The following SYT1 variants were observed in gnomAD, a reference collection of about 807,000 sequenced individuals.
SYT1 encodes the protein synaptotagmin 1, also known as synaptotagmin-1.
A neutral mutation model predicts 44.8 loss-of-function variants in SYT1; 8 were observed. That is an observed-to-expected ratio of 0.18 (90% CI 0.10 to 0.32). The LOEUF (loss-of-function observed/expected upper bound fraction) is 0.32. SYT1 is among the 10% of genes least tolerant of loss of function. SYT1 has a pLI of 1.00. For synonymous variants in SYT1, 154 were observed against 188.8 expected, an observed-to-expected ratio of 0.82 and a Z score of 1.51; for missense variants, 286 against 509.3, an observed-to-expected ratio of 0.56 and a Z score of 4.22.
chr12:79,386,311 T>C (rs75408188), intron 9 of SYT1, among the ~76,000 whole-genome samples: 19 of 33,930 alleles, frequency 5.6e-4, no homozygotes, highest in South Asian at 1.3e-3. Context: ...CATTTTTGGG[T>C]TTTTTTTTTT....
intron 2 of SYT1, among the ~76,000 whole-genome samples, chr12:79,041,082 G>A (rs1213594626): frequency 6.6e-6 from 1 of 152,056 alleles, no homozygotes; most frequent in East Asian, 1.9e-4. Context: ...TGTTCTTTTG[G>A]CTTAAGATTG....
intron 3 of SYT1, among the ~76,000 whole-genome samples, chr12:79,211,054 G>T (rs976856366): frequency 6.6e-6 from 1 of 151,492 alleles, no homozygotes; most frequent in South Asian, 2.1e-4. Flanking sequence ...AATAATTCAG[G>T]TTTACAATAT....
chr12:79,196,470 A>G (rs1252488106), intron 3 of SYT1, among the ~76,000 whole-genome samples: 1 of 152,048 alleles, frequency 6.6e-6, no homozygotes, highest in African/African-American at 2.4e-5. Flanking sequence ...CCGGCTGTAC[A>G]TTTCTAATTC....
chr12:79,418,685 GACAA>G (rs1174527344), intron 9 of SYT1, among the ~76,000 whole-genome samples: 7 of 152,122 alleles, frequency 4.6e-5, no homozygotes, highest in Non-Finnish European at 4.4e-5. Flanking sequence ...TGAGTAGAGA[GACAA>G]TTAGTGGAAA....
At position 79,096,901 on chromosome 12, in the gene SYT1, G is replaced by C. The variant is rs187289524; in HGVS notation, c.-18+49539G>C. ...TCAGAGAGATTAAGAGGCTGGGAAA[G>C]ATTGAAGTGATTTTTAGGAATCAGA... On this transcript the variant is annotated intron_variant, in intron 3 of 10. Transcript: ENST00000261205. Among the ~76,000 whole-genome samples the C allele has an allele frequency of 3.3e-5, 5 of 152,140 alleles. No homozygotes were observed. The East Asian group carries it at 9.7e-4, about 29-fold the overall frequency.
At chr12:78,868,411 T>G (rs1260900826) in intron 1 of SYT1, among the ~76,000 whole-genome samples, 1 of 151,852 alleles carries the variant, frequency 6.6e-6, no homozygotes, top group Non-Finnish European at 1.5e-5. Context: ...TTAAAATTCT[T>G]AAATAATTTA....
At chr12:78,988,800 G>A (rs903995115) in intron 2 of SYT1, among the ~76,000 whole-genome samples, 4 of 152,092 alleles carry the variant, frequency 2.6e-5, no homozygotes, top group African/African-American at 9.7e-5. Flanking sequence ...GGAAAATGCT[G>A]TAAAATGATT....
At chr12:79,152,910 C>T (rs1477279600) in intron 3 of SYT1, among the ~76,000 whole-genome samples, 1 of 150,744 alleles carries the variant, frequency 6.6e-6, no homozygotes, top group Non-Finnish European at 1.5e-5. Context: ...AAATTAAGAC[C>T]TAGGAGAAAC....
intron 9 of SYT1, among the ~76,000 whole-genome samples, chr12:79,406,697 G>A (rs913234289): frequency 6.6e-6 from 1 of 152,110 alleles, no homozygotes; most frequent in African/African-American, 2.4e-5. Context: ...TTGAATACCA[G>A]TTCTGCTACT....
chr12:79,348,532 T>A (rs1882704485), intron 8 of SYT1, among the ~76,000 whole-genome samples: 1 of 152,210 alleles, frequency 6.6e-6, no homozygotes, highest in South Asian at 2.1e-4. Context: ...GGTTTAGACA[T>A]TTAGGACAGA....
At chr12:79,368,585 C>T (rs1276906676) in intron 9 of SYT1, among the ~76,000 whole-genome samples, 1 of 150,652 alleles carries the variant, frequency 6.6e-6, no homozygotes, top group African/African-American at 2.4e-5. Context: ...TTAATGATTG[C>T]CATTCTAACT....
At chr12:79,268,297 G>A (rs1018363092) in intron 4 of SYT1, among the ~76,000 whole-genome samples, 1 of 152,044 alleles carries the variant, frequency 6.6e-6, no homozygotes, top group Non-Finnish European at 1.5e-5. Flanking sequence ...AAAAATCATC[G>A]AAAAAATTGT....
chr12:79,080,649 A>G (rs372366283), intron 3 of SYT1, among the ~76,000 whole-genome samples: 19 of 152,198 alleles, frequency 1.2e-4, no homozygotes, highest in East Asian at 5.8e-4. Context: ...GCAAAAATTG[A>G]TGAGAATGTA....
chr12:78,869,198 AATTTAAC>A (rs960387968), intron 1 of SYT1, among the ~76,000 whole-genome samples: 1 of 151,854 alleles, frequency 6.6e-6, no homozygotes, highest in African/African-American at 2.4e-5. Context: ...CTTAAGGAGA[AATTTAAC>A]ATTTCCAAAA....
intron 3 of SYT1, among the ~76,000 whole-genome samples, chr12:79,140,881 T>C (rs1384385057): frequency 6.6e-6 from 1 of 152,092 alleles, no homozygotes; most frequent in Non-Finnish European, 1.5e-5. Context: ...AAAACCACAT[T>C]GTTGATTGGC....
chr12:79,134,163 T>C (rs1288499249), intron 3 of SYT1, among the ~76,000 whole-genome samples: 1 of 152,218 alleles, frequency 6.6e-6, no homozygotes, highest in Non-Finnish European at 1.5e-5. Context: ...GTTTTAAAAC[T>C]ATGTTGTGTA....
intron 3 of SYT1, among the ~76,000 whole-genome samples, chr12:79,170,788 G>C (rs1172055156): frequency 6.6e-6 from 1 of 152,046 alleles, no homozygotes; most frequent in Non-Finnish European, 1.5e-5. Flanking sequence ...CCTATGTCCT[G>C]AATGGTATTG....
chr12:79,353,116 A>G (rs928380800), intron 8 of SYT1, among the ~76,000 whole-genome samples: 3 of 152,212 alleles, frequency 2.0e-5, no homozygotes, highest in East Asian at 3.9e-4. Flanking sequence ...TGATTCAACT[A>G]AAGTGTTAGG....
intron 4 of SYT1, among the ~76,000 whole-genome samples, chr12:79,227,631 G>A (rs1280429486): frequency 1.3e-5 from 2 of 152,144 alleles, no homozygotes; most frequent in Non-Finnish European, 1.5e-5. Context: ...GACTACAAGA[G>A]TTCAAACCCT....
Sources: allele counts gnomAD v4.1 joint callset (sites outside exome capture counted in the v4.1 genomes callset), GRCh38; gene constraint gnomAD v4.1.1; transcripts MANE v1.5; gene names NCBI Gene and HGNC (gene_info 2026-07-23, HGNC 2026-07-21).